Variants in GUCY2C observed in about 807,000 individuals in gnomAD.
The protein encoded by GUCY2C is guanylyl cyclase C.
A neutral mutation model predicts 131.1 loss-of-function variants in GUCY2C; 118 were observed. The observed-to-expected ratio is 0.90, with a 90% CI of 0.78 to 1.05. The LOEUF is 1.05. Ranked by LOEUF, GUCY2C falls within the 50% of genes least tolerant of loss-of-function variation. The pLI is 0.00. For missense variants in GUCY2C, 1,161 were observed against 1,304.4 expected, an observed-to-expected ratio of 0.89 and a Z score of 1.69; for synonymous variants, 452 against 457.8, an observed-to-expected ratio of 0.99 and a Z score of 0.16.
chr12:14,640,488 A>C (rs995398484), intron 18 of GUCY2C, among the ~76,000 whole-genome samples: 21 of 151,594 alleles, frequency 1.4e-4, no homozygotes, highest in Non-Finnish European at 2.1e-4. Context: ...AAGAAAGAAA[A>C]GAAAAGAAAA....
chr12:14,686,352 G>C, intron 2 of GUCY2C, 127 bp from the exon 3 acceptor site: 11 of 679,244 alleles, frequency 1.6e-5, no homozygotes, highest in Non-Finnish European at 2.6e-6. Context: ...CTCAAACTCA[G>C]AGCAACATAG....
chr12:14,683,195 T>C lies in GUCY2C; in HGVS notation c.458A>G (p.Tyr153Cys), dbSNP rs909149149. ...CATCAGCCTGGTTAAGGTTTCTTTA[T>C]AGTCACATGACAATCCAAAACTTCC... ...SAGSFGLSCD[Y>C]KETLTRLMSP... Residue 153 changes from tyrosine to cysteine, a missense_variant, in exon 4 of 27, where the codon TAT (tyrosine) becomes TGT (cysteine). Coordinates refer to ENST00000261170, the MANE Select transcript of GUCY2C (RefSeq NM_004963.4). 7 of 1,613,604 alleles carry C rather than the reference T, an allele frequency of 4.3e-6. No homozygotes were observed. The highest frequency in any genetic ancestry group is 4.5e-5 in the East Asian group (2 of 44,872).
intron 18 of GUCY2C, 38 bp downstream of exon 18, chr12:14,641,044 C>T (rs1282459332): frequency 3.1e-6 from 5 of 1,601,160 alleles, no homozygotes; most frequent in Admixed American, 3.3e-5. Flanking sequence ...CAGGTTGGCT[C>T]ACTCCCAGAG....
chr12:14,621,975 T>C lies in GUCY2C; in HGVS notation c.2601+30A>G, dbSNP rs377190969. 26 of 1,494,126 alleles carry C rather than the reference T, an allele frequency of 1.7e-5. No individual in the cohort carries two copies. In the African/African-American group the frequency reaches 3.4e-4, roughly 19 times the overall value. The allele number at this position is 1,494,126 out of a possible 1,614,324, so 92.6% of individuals were successfully genotyped here. A position where few individuals can be genotyped will look rare whatever the true frequency, so the allele number is the denominator to read the frequency against. On this transcript the variant is annotated intron_variant, in intron 22 of 26. Transcript: ENST00000261170. Reference sequence around the variant, plus strand: ...TGATGACCTTGAGTTGTACAATTAATGGTTTCAGCCTGTTAGGTGATGTGG... The same window carrying C: ...TGATGACCTTGAGTTGTACAATTAACGGTTTCAGCCTGTTAGGTGATGTGG...
At chr12:14,641,613 G>C (rs1947406383) in intron 17 of GUCY2C, among the ~76,000 whole-genome samples, 1 of 152,100 alleles carries the variant, frequency 6.6e-6, no homozygotes, top group African/African-American at 2.4e-5. Context: ...TAGTTTATGG[G>C]ACATATGGAA....
At chr12:14,627,416 A>T (rs1947044235) in intron 20 of GUCY2C, among the ~76,000 whole-genome samples, 1 of 152,184 alleles carries the variant, frequency 6.6e-6, no homozygotes, top group Admixed American at 6.5e-5. Context: ...GCCAGTACAG[A>T]GTCTAGTTGG....
chr12:14,614,649 T>G (rs1946719329), intron 26 of GUCY2C: 1 of 486,918 alleles, frequency 2.1e-6, no homozygotes, highest in Non-Finnish European at 3.6e-6. Flanking sequence ...GGCTAAATAC[T>G]TTTCTGTTTC....
rs1351978961 is a variant in GUCY2C, at chr12:14,683,235, G to T, written c.418C>A (p.Pro140Thr). 4 of 1,612,894 alleles carry T rather than the reference G, an allele frequency of 2.5e-6. No homozygotes were observed. In the South Asian group the frequency reaches 4.4e-5, roughly 18 times the overall value. The change falls in exon 4 of 27, where the codon CCC becomes ACC. Residue 140 changes from proline (P) to threonine (T), a missense_variant. Physicochemically the swap from Pro to Thr is conservative, Grantham distance 38. Transcript: ENST00000261170. Reference protein sequence around the residue: ...QMYLDTELSYPMISAGSFGLS... With the variant: ...QMYLDTELSYTMISAGSFGLS... Reference sequence around the variant, plus strand: ...CCAAAACTTCCAGCTGAGATCATGGGGTAGCTCAATTCTGTGTCAAGGCTA... The same window carrying T: ...CCAAAACTTCCAGCTGAGATCATGGTGTAGCTCAATTCTGTGTCAAGGCTA...
intron 8 of GUCY2C, chr12:14,674,372 C>A: frequency 2.0e-6 from 1 of 505,668 alleles, no homozygotes; most frequent in Non-Finnish European, 3.6e-6. Flanking sequence ...TGAGCTTGTT[C>A]ATAAGTACAG....
chr12:14,617,908 C>G (rs938269070), intron 24 of GUCY2C, among the ~76,000 whole-genome samples: 1 of 152,152 alleles, frequency 6.6e-6, no homozygotes, highest in Admixed American at 6.6e-5. Flanking sequence ...AACATAATTT[C>G]AATTGTAACC....
chr12:14,656,712 C>A, intron 11 of GUCY2C, 95 bp from the exon 12 acceptor site: 1 of 637,312 alleles, frequency 1.6e-6, no homozygotes, highest in South Asian at 2.0e-5. Flanking sequence ...CTGGTATGCT[C>A]AGGTAGATAT....
intron 19 of GUCY2C, among the ~76,000 whole-genome samples, chr12:14,638,706 T>G (rs1006515266): frequency 2.0e-5 from 3 of 151,716 alleles, no homozygotes; most frequent in African/African-American, 7.2e-5. Context: ...CTGGGAAGGG[T>G]GTAGGTAGGG....
intron 10 of GUCY2C, among the ~76,000 whole-genome samples, chr12:14,662,691 AAAAG>A (rs1446466727): frequency 9.9e-5 from 15 of 151,920 alleles, no homozygotes; most frequent in African/African-American, 3.1e-4. Flanking sequence ...AAAAAAAAAA[AAAAG>A]AAAGATGTTA....
At chr12:14,646,468 A>C (rs1206002263) in intron 15 of GUCY2C, among the ~76,000 whole-genome samples, 1 of 152,140 alleles carries the variant, frequency 6.6e-6, no homozygotes, top group Non-Finnish European at 1.5e-5. Flanking sequence ...TTAGCGCACC[A>C]TTCACCCATC....
intron 19 of GUCY2C, among the ~76,000 whole-genome samples, chr12:14,629,453 T>G (rs377468747): frequency 3.7e-4 from 56 of 152,314 alleles, no homozygotes; most frequent in African/African-American, 1.3e-3. Context: ...AGTTGTAGAT[T>G]AAAAGAAGTT....
chr12:14,641,997 ATTAG>A (rs1400145029), intron 17 of GUCY2C, among the ~76,000 whole-genome samples: 7 of 152,162 alleles, frequency 4.6e-5, no homozygotes, highest in South Asian at 4.1e-4. Flanking sequence ...ATTATAATTT[ATTAG>A]TTAATGTGTA....
intron 3 of GUCY2C, among the ~76,000 whole-genome samples, chr12:14,685,507 A>G (rs1027643833): frequency 6.6e-6 from 1 of 152,196 alleles, no homozygotes; most frequent in African/African-American, 2.4e-5. Flanking sequence ...AAGGAACTTG[A>G]GCAGGATTTT....
At chr12:14,620,304 G>C (rs1946867194) in intron 23 of GUCY2C, among the ~76,000 whole-genome samples, 1 of 152,210 alleles carries the variant, frequency 6.6e-6, no homozygotes, top group Non-Finnish European at 1.5e-5. Flanking sequence ...GTCACAGGCT[G>C]TCAACTGATG....
At chr12:14,656,714 G>A in intron 11 of GUCY2C, 97 bp from the exon 12 acceptor site, 1 of 618,992 alleles carries the variant, frequency 1.6e-6, no homozygotes, top group Non-Finnish European at 3.0e-6. Context: ...GGTATGCTCA[G>A]GTAGATATGT....
Sources: gnomAD v4.1 joint callset for allele counts (sites outside exome capture counted in the v4.1 genomes callset) on GRCh38, gnomAD v4.1.1 for gene constraint, MANE v1.5 for transcripts, NCBI Gene and HGNC (gene_info 2026-07-23, HGNC 2026-07-21) for gene names.